The following MAK variants were observed in gnomAD, a reference collection of about 807,000 sequenced individuals.
The protein encoded by MAK is male germ cell associated kinase.
MAK carries 65 observed loss-of-function variants against 82.6 expected under a neutral mutation model. The observed-to-expected ratio is 0.79, with a 90% CI of 0.64 to 0.97. The LOEUF (loss-of-function observed/expected upper bound fraction) is 0.97, where lower values mean the gene tolerates loss of function less well. Among genes scored for constraint, MAK ranks in the 50% least tolerant of loss-of-function variants. MAK has a pLI of 0.00. For missense variants in MAK, 703 were observed against 780.2 expected (o/e 0.90, Z 1.18); for synonymous variants, 250 against 274.2 (o/e 0.91, Z 0.87).
Position 10,830,711 on chromosome 6 carries a change from G to A in MAK, c.-63C>T. ...TGACTTCCTTGTTGAATATAAATTT[G>A]AACGCTTCTTAATTTTTATTTGCTT... On this transcript the variant is annotated 5_prime_UTR_variant, in exon 2 of 15. Coordinates refer to ENST00000354489, the MANE Select transcript of MAK (RefSeq NM_001242957.3). The A allele has an allele frequency of 2.3e-6, 3 of 1,279,884 alleles. No homozygotes were observed. Among genetic ancestry groups the A allele is most frequent in the South Asian group, 2.4e-5 (2 of 84,276 alleles). 79.3% of individuals were successfully genotyped at this position (1,279,884 alleles called of 1,614,324 possible).
At position 10,764,372 on chromosome 6, in the gene MAK, C is replaced by G; in HGVS notation, c.*80G>C. 6.9e-7 allele frequency: 1 copy of G among 1,456,700 alleles called. No homozygotes were observed. The highest frequency in any genetic ancestry group is 9.5e-7 in the Non-Finnish European group (1 of 1,051,084). 90.2% of individuals were successfully genotyped at this position (1,456,700 alleles called of 1,614,324 possible). On this transcript the variant is annotated 3_prime_UTR_variant, in exon 15 of 15. Transcript: ENST00000354489. ...TCTTCCAGAACTCAGTAGAAATAGA[C>G]ATTTGTAGACATTTCCCAGGGTCAA...
At chr6:10,802,854 C>A (rs1776124108) in intron 7 of MAK, among the ~76,000 whole-genome samples, 1 of 152,076 alleles carries the variant, frequency 6.6e-6, no homozygotes, top group Admixed American at 6.6e-5. Context: ...AAGGCACTTA[C>A]TAATTTAATT....
chr6:10,836,205 C>T (rs967506877), intron 1 of MAK, among the ~76,000 whole-genome samples: 14 of 152,158 alleles, frequency 9.2e-5, no homozygotes, highest in African/African-American at 2.7e-4. Context: ...GGATTACGGA[C>T]GTGACATAGA....
chr6:10,818,253 G>A (rs185430792), intron 3 of MAK, among the ~76,000 whole-genome samples: 1 of 152,292 alleles, frequency 6.6e-6, no homozygotes, highest in Admixed American at 6.5e-5. Context: ...CCATGCAAAG[G>A]TATCCAAAAT....
intron 5 of MAK, among the ~76,000 whole-genome samples, chr6:10,813,126 ATATATATAAATTTTTT>A (rs1777153741): frequency 4.4e-3 from 3 of 684 alleles, no homozygotes; most frequent in Non-Finnish European, 9.0e-3. Context: ...ATATATATAT[ATATATATAAATTTTTT>A]TTTTTTTTTT....
At chr6:10,766,850 A>C (rs1772485899) in intron 14 of MAK, among the ~76,000 whole-genome samples, 1 of 149,390 alleles carries the variant, frequency 6.7e-6, no homozygotes, top group South Asian at 2.1e-4. Context: ...ATATCACCTA[A>C]GTCCTAAATG....
intron 10 of MAK, 46 bp from the exon 11 acceptor site, chr6:10,784,618 G>GATCTTGCCCACCCTCTGCAC: frequency 7.5e-7 from 1 of 1,335,750 alleles, no homozygotes; most frequent in Non-Finnish European, 1.1e-6. Flanking sequence ...ACAACGAGAG[G>GATCTTGCCCACCCTCTGCAC]ATCTCGCCCA....
intron 4 of MAK, 36 bp downstream of exon 4, chr6:10,817,814 A>G: frequency 1.4e-6 from 2 of 1,446,004 alleles, no homozygotes; most frequent in African/African-American, 1.4e-5. Context: ...GAACTCATGG[A>G]GAGAATAACA....
At chr6:10,810,739 T>C (rs778910061) in intron 5 of MAK, among the ~76,000 whole-genome samples, 1 of 152,224 alleles carries the variant, frequency 6.6e-6, no homozygotes. Context: ...AATCTGAGTT[T>C]ATCCAGTACT....
At chr6:10,815,645 G>C (rs1777407439) in intron 4 of MAK, among the ~76,000 whole-genome samples, 1 of 152,024 alleles carries the variant, frequency 6.6e-6, no homozygotes, top group Non-Finnish European at 1.5e-5. Context: ...AAAAAAGAGA[G>C]ACACATGGTC....
chr6:10,837,749 C>T (rs1779244823), intron 1 of MAK, among the ~76,000 whole-genome samples: 1 of 152,218 alleles, frequency 6.6e-6, no homozygotes, highest in African/African-American at 2.4e-5. Flanking sequence ...GCTCTCGACA[C>T]CGCACTCTCG....
At chr6:10,773,306 A>G (rs1245049259) in intron 12 of MAK, among the ~76,000 whole-genome samples, 198 bp from the exon 13 acceptor site, 1 of 152,206 alleles carries the variant, frequency 6.6e-6, no homozygotes, top group African/African-American at 2.4e-5. Flanking sequence ...TTCTACTGTC[A>G]TTTAATTGAA....
At chr6:10,772,758 T>C (rs1773131949) in intron 13 of MAK, among the ~76,000 whole-genome samples, 1 of 152,212 alleles carries the variant, frequency 6.6e-6, no homozygotes, top group Non-Finnish European at 1.5e-5. Flanking sequence ...ATTCTTTTCA[T>C]TAGAATTATT....
intron 2 of MAK, among the ~76,000 whole-genome samples, chr6:10,828,440 A>G (rs1035890599): frequency 6.6e-6 from 1 of 152,170 alleles, no homozygotes; most frequent in South Asian, 2.1e-4. Context: ...GATGGGTTCA[A>G]CTGTGTCCCC....
intron 7 of MAK, 73 bp from the exon 8 acceptor site, chr6:10,802,132 C>G: frequency 1.7e-6 from 2 of 1,165,496 alleles, no homozygotes; most frequent in Non-Finnish European, 2.5e-6. Flanking sequence ...TTAAAAAACA[C>G]AGCAGTAATA....
In MAK at chr6:10,784,756, G is replaced by T. The variant is rs114272831; in HGVS notation, c.1317-184C>A. The T allele has an allele frequency of 7.9e-4, 526 of 665,708 alleles. 5 individuals are homozygous for T. In the African/African-American group the frequency reaches 0.011, roughly 13 times the overall value. 41.2% of individuals were successfully genotyped at this position (665,708 alleles called of 1,614,324 possible). On this transcript the variant is annotated intron_variant, in intron 10 of 14. Transcript: ENST00000354489. ...CCTCCACCCGCGTAGATATTGGGTC[G>T]TGCACAGACTCATTTCTGATACCAG...
At chr6:10,774,925 C>T (rs972031781) in intron 12 of MAK, among the ~76,000 whole-genome samples, 5 of 152,300 alleles carry the variant, frequency 3.3e-5, no homozygotes, top group South Asian at 2.1e-4. Flanking sequence ...AGATGGAGGT[C>T]GAGAATTCCC....
intron 10 of MAK, among the ~76,000 whole-genome samples, chr6:10,790,849 A>T (rs2127541392): frequency 6.6e-6 from 1 of 152,342 alleles, no homozygotes; most frequent in Non-Finnish European, 1.5e-5. Context: ...CAGATCCCTC[A>T]CAAATGGCTT....
rs1477344289 is a variant in MAK at position 10,830,819 on chromosome 6, A to G, written c.-171T>C. ...CTCTCCCCCAAGATTACAGAGGTTC[A>G]TGAGATATAGCATGAAGGAATCGGG... On this transcript the variant is annotated 5_prime_UTR_variant, in exon 2 of 15. The change abolishes an upstream ATG in the 5' untranslated region. Coordinates refer to ENST00000354489, the MANE Select transcript of MAK (RefSeq NM_001242957.3). 5 of 671,924 alleles carry G rather than the reference A, an allele frequency of 7.4e-6. No individual in the cohort carries two copies. Among genetic ancestry groups the G allele is most frequent in the Non-Finnish European group, 1.4e-5 (5 of 366,362 alleles). The allele number at this position is 671,924 out of a possible 1,614,324, so 41.6% of individuals were successfully genotyped here.
Sources: gnomAD v4.1 joint callset for allele counts (sites outside exome capture counted in the v4.1 genomes callset) on GRCh38, gnomAD v4.1.1 for gene constraint, MANE v1.5 for transcripts, NCBI Gene and HGNC (gene_info 2026-07-23, HGNC 2026-07-21) for gene names.